Variants in RBFOX3 observed in about 807,000 individuals in gnomAD.
The protein encoded by RBFOX3 is RNA binding fox-1 homolog 3.
In RBFOX3, 17 loss-of-function variants were observed where a neutral mutation model predicts 48.7. That is an observed-to-expected ratio of 0.35 (90% CI 0.24 to 0.52). The LOEUF (loss-of-function observed/expected upper bound fraction) is 0.52, where lower values mean the gene tolerates loss of function less well. RBFOX3 is among the 20% of genes least tolerant of loss of function. The pLI is 0.94. For missense variants in RBFOX3, 382 were observed against 497.5 expected (o/e 0.77, Z 2.21); for synonymous variants, 212 against 209.5 (o/e 1.01, Z -0.10).
At chr17:79,267,393 CT>C (rs71161656) in intron 3 of RBFOX3, among the ~76,000 whole-genome samples, 9 of 149,284 alleles carry the variant, frequency 6.0e-5, no homozygotes, top group East Asian at 3.9e-4. Context: ...CACTCTCTCT[CT>C]TTTTTTTTTG....
At chr17:79,273,129 T>C (rs2068040998) in intron 3 of RBFOX3, among the ~76,000 whole-genome samples, 1 of 152,050 alleles carries the variant, frequency 6.6e-6, no homozygotes, top group Non-Finnish European at 1.5e-5. Context: ...TGGCGGAATC[T>C]AGCCACCTGG....
chr17:79,372,308 CCCCCCCCTGTCAAAT>C (rs1254589682), intron 2 of RBFOX3, among the ~76,000 whole-genome samples: 1 of 534 alleles, frequency 1.9e-3, no homozygotes, highest in African/African-American at 4.1e-3. Context: ...ATACTATAGA[CCCCCCCCTGTCAAAT>C]CCCCCCCATC....
At chr17:79,165,494 G>A (rs772240195) in intron 4 of RBFOX3, among the ~76,000 whole-genome samples, 50 of 152,284 alleles carry the variant, frequency 3.3e-4, no homozygotes, top group South Asian at 1.7e-3. Flanking sequence ...GACAGGTGGC[G>A]GGGGCCCCTG....
rs1244908193 is a variant in RBFOX3, at chr17:79,180,217, C to G, written c.-34+55549G>C. ...ACTGTTGTGTCTCAGGAGGGACACA[C>G]CCCATCCCCAGCCTACCTAGGGTCC... On this transcript the variant is annotated intron_variant, in intron 4 of 14. Coordinates refer to ENST00000693108, the MANE Select transcript of RBFOX3 (RefSeq NM_001350451.2). Among the ~76,000 whole-genome samples the G allele has an allele frequency of 8.5e-5, 13 of 152,282 alleles. No homozygotes were observed. The South Asian group carries it at 1.7e-3, about 19-fold the overall frequency.
chr17:79,564,779 C>T (rs1039038914), intron 1 of RBFOX3, among the ~76,000 whole-genome samples: 3 of 151,730 alleles, frequency 2.0e-5, no homozygotes, highest in African/African-American at 7.3e-5. Context: ...CGGTGGCTCA[C>T]GCCTGTAATC....
At chr17:79,305,880 G>T (rs1029795739) in intron 3 of RBFOX3, among the ~76,000 whole-genome samples, 2 of 152,220 alleles carry the variant, frequency 1.3e-5, no homozygotes, top group Non-Finnish European at 2.9e-5. Context: ...GCATAACCTG[G>T]CTAACCATCC....
the RBFOX3 span, among the ~76,000 whole-genome samples, chr17:79,625,847 T>C: frequency 0.97 from 148,066 of 152,322 alleles, 72,087 homozygotes; most frequent in East Asian, 1. Flanking sequence ...CCACTCTCAC[T>C]CGCCCACACA....
chr17:79,578,440 GT>G, intron 1 of RBFOX3, among the ~76,000 whole-genome samples: 1 of 152,382 alleles, frequency 6.6e-6, no homozygotes, highest in South Asian at 2.1e-4. Flanking sequence ...GGGCACACAG[GT>G]GCCGTTCTTT....
chr17:79,279,352 G>A (rs2069696367), intron 3 of RBFOX3, among the ~76,000 whole-genome samples: 1 of 152,182 alleles, frequency 6.6e-6, no homozygotes, highest in African/African-American at 2.4e-5. Context: ...CCCTCCTCCA[G>A]TGCTTACATT....
chr17:79,544,327 G>A (rs1398524109), intron 1 of RBFOX3, among the ~76,000 whole-genome samples: 6 of 152,160 alleles, frequency 3.9e-5, no homozygotes, highest in South Asian at 2.1e-4. Flanking sequence ...GCGCTGGCAC[G>A]TTGGGCACTC....
chr17:79,425,169 C>T (rs999887823), intron 2 of RBFOX3, among the ~76,000 whole-genome samples: 6 of 152,190 alleles, frequency 3.9e-5, no homozygotes, highest in Non-Finnish European at 8.8e-5. Context: ...GCTTCTAGAA[C>T]ATACCCAGAT....
intron 4 of RBFOX3, among the ~76,000 whole-genome samples, chr17:79,125,844 T>C (rs1404993967): frequency 6.6e-6 from 1 of 151,828 alleles, no homozygotes; most frequent in Non-Finnish European, 1.5e-5. Flanking sequence ...CAGGCAGAAA[T>C]GGGGAAGGGA....
intron 2 of RBFOX3, among the ~76,000 whole-genome samples, chr17:79,318,639 G>A (rs1339490219): frequency 6.6e-6 from 1 of 151,982 alleles, no homozygotes; most frequent in African/African-American, 2.4e-5. Context: ...TGGATCACGA[G>A]GTCAGGAGAT....
In RBFOX3 at chr17:79,151,976, A is replaced by C; in HGVS notation, c.-33-36228T>G. ...TGGGAGGTGCAGGGGGAGCTCCCAC[A>C]TCCCCCATCCCCAAGGCCCCCTGTC... On this transcript the variant is annotated intron_variant, in intron 4 of 14. Coordinates refer to ENST00000693108, the MANE Select transcript of RBFOX3 (RefSeq NM_001350451.2). Among the ~76,000 whole-genome samples, 2 of 151,422 alleles carry C rather than the reference A, an allele frequency of 1.3e-5. 1 individual carries two copies.
chr17:79,511,067 G>A (rs934504781), intron 1 of RBFOX3, among the ~76,000 whole-genome samples: 1 of 152,170 alleles, frequency 6.6e-6, no homozygotes, highest in African/African-American at 2.4e-5. Context: ...GTGCTAACAG[G>A]GAAAGGCTCT....
At chr17:79,612,291 C>T (rs1440670520), upstream of RBFOX3, among the ~76,000 whole-genome samples, 1 of 152,214 alleles carries the variant, frequency 6.6e-6, no homozygotes, top group African/African-American at 2.4e-5. Context: ...CACTTTTGCT[C>T]CTGAAGGCTG....
intron 2 of RBFOX3, among the ~76,000 whole-genome samples, chr17:79,446,706 T>C (rs782485547): frequency 6.6e-6 from 1 of 152,216 alleles, no homozygotes; most frequent in Admixed American, 6.5e-5. Context: ...AAAGTGGGTA[T>C]AAATCTGACT....
At chr17:79,454,809 G>C (rs2074193392) in intron 2 of RBFOX3, among the ~76,000 whole-genome samples, 1 of 152,204 alleles carries the variant, frequency 6.6e-6, no homozygotes, top group Non-Finnish European at 1.5e-5. Context: ...GATGACATGA[G>C]CTGAGCCAGG....
chr17:79,382,659 G>A (rs1038516811), intron 2 of RBFOX3, among the ~76,000 whole-genome samples: 4 of 152,176 alleles, frequency 2.6e-5, no homozygotes, highest in South Asian at 2.1e-4. Context: ...CCACACTCAC[G>A]CGCATTTCCA....
Sources: gnomAD v4.1 joint callset for allele counts (sites outside exome capture counted in the v4.1 genomes callset) on GRCh38, gnomAD v4.1.1 for gene constraint, MANE v1.5 for transcripts, NCBI Gene and HGNC (gene_info 2026-07-23, HGNC 2026-07-21) for gene names.